ACTR3C: variants seen among roughly 807,000 people sequenced by gnomAD.
ACTR3C encodes the protein actin related protein 3C.
In ACTR3C, 18 loss-of-function variants were observed where a neutral mutation model predicts 26.3. The ratio of observed to expected loss-of-function variants is 0.68; its 90% CI spans 0.47 to 1.01. ACTR3C has a LOEUF of 1.01. ACTR3C is among the 50% of genes least tolerant of loss of function. The probability of loss-of-function intolerance (pLI) is 0.00; values close to 1 mark genes in which losing one functional copy is unlikely to be tolerated. For missense variants in ACTR3C, 184 were observed against 250.7 expected, an observed-to-expected ratio of 0.73 and a Z score of 1.80; for synonymous variants, 55 against 94.5, an observed-to-expected ratio of 0.58 and a Z score of 2.42.
At chr7:150,242,818 C>G (rs59464380), downstream of ACTR3C, among the ~76,000 whole-genome samples, 27,489 of 151,728 alleles carry the variant, frequency 0.18, 4,199 homozygotes, top group African/African-American at 0.41. Flanking sequence ...TTTGAGAAAT[C>G]TGTGAAGAGG....
rs61644188 is a variant in ACTR3C, at chr7:150,274,408, C to T, written c.564+10345G>A. ...GTTTTTTAGACATAATGCTATTATA[C>T]ACTTAAACCATAATATAGTGCAAAC... On this transcript the variant is annotated intron_variant, in intron 6 of 7. Coordinates refer to ENST00000683684, the MANE Select transcript of ACTR3C (RefSeq NM_001164458.2). The surrounding 1 kb of genome is among the most constrained non-coding windows in gnomAD (Gnocchi z 4.1). Among the ~76,000 whole-genome samples, 1,037 of 152,302 alleles carry T rather than the reference C, an allele frequency of 6.8e-3. 3 individuals are homozygous for T. The highest frequency in any genetic ancestry group is 0.024 in the African/African-American group (984 of 41,556).
the ACTR3C span, among the ~76,000 whole-genome samples, chr7:149,887,414 A>G: frequency 6.6e-6 from 1 of 152,214 alleles, no homozygotes; most frequent in Non-Finnish European, 1.5e-5. Flanking sequence ...GTGATAACAG[A>G]CTGTAGGTCT....
At chr7:150,194,359 A>G in the ACTR3C span, among the ~76,000 whole-genome samples, 4 of 148,640 alleles carry the variant, frequency 2.7e-5, no homozygotes, top group Non-Finnish European at 6.0e-5. Context: ...AAAGTCTTTT[A>G]TATCAGAGGC....
chr7:150,066,718 T>A, the ACTR3C span, among the ~76,000 whole-genome samples: 5 of 152,230 alleles, frequency 3.3e-5, no homozygotes, highest in Admixed American at 6.5e-5. Context: ...GATATTCTGT[T>A]AATCTCTATA....
At chr7:150,179,011 T>C in the ACTR3C span, among the ~76,000 whole-genome samples, 1 of 149,636 alleles carries the variant, frequency 6.7e-6, no homozygotes, top group African/African-American at 2.6e-5. Flanking sequence ...GCCTCCAGAT[T>C]CAAACAAATT....
chr7:150,110,599 G>A, the ACTR3C span, among the ~76,000 whole-genome samples: 19 of 143,620 alleles, frequency 1.3e-4, no homozygotes, highest in African/African-American at 4.5e-4. Flanking sequence ...GGGGCTGGAA[G>A]AGGGTGGGGC....
At chr7:150,158,326 T>C in the ACTR3C span, among the ~76,000 whole-genome samples, 1 of 152,028 alleles carries the variant, frequency 6.6e-6, no homozygotes, top group Non-Finnish European at 1.5e-5. Context: ...TGCCATATGA[T>C]CTAGCAATTC....
chr7:150,172,774 T>C, the ACTR3C span, among the ~76,000 whole-genome samples: 1 of 150,654 alleles, frequency 6.6e-6, no homozygotes, highest in African/African-American at 2.5e-5. Context: ...GGTACCAGTA[T>C]TGGGTAAATA....
chr7:150,210,539 T>C, the ACTR3C span, among the ~76,000 whole-genome samples: 1 of 147,974 alleles, frequency 6.8e-6, no homozygotes, highest in Non-Finnish European at 1.5e-5. Flanking sequence ...AAGTATTACT[T>C]GGCAACAAAT....
chr7:150,217,538 T>C, the ACTR3C span, among the ~76,000 whole-genome samples: 1 of 151,986 alleles, frequency 6.6e-6, no homozygotes, highest in Non-Finnish European at 1.5e-5. Flanking sequence ...AACAGTCTTA[T>C]GTTGGTAGTT....
intron 1 of ACTR3C, among the ~76,000 whole-genome samples, chr7:150,296,091 C>T (rs1836719956): frequency 7.5e-6 from 1 of 132,644 alleles, no homozygotes; most frequent in African/African-American, 3.2e-5. Context: ...TAGCTCACGC[C>T]CATCATCCTA....
chr7:150,099,730 G>A, the ACTR3C span, among the ~76,000 whole-genome samples: 1 of 151,436 alleles, frequency 6.6e-6, no homozygotes, highest in Non-Finnish European at 1.5e-5. Flanking sequence ...CCTTATCCTC[G>A]CCCTTAGGGT....
At chr7:149,963,398 G>T in the ACTR3C span, among the ~76,000 whole-genome samples, 4 of 152,172 alleles carry the variant, frequency 2.6e-5, no homozygotes, top group Non-Finnish European at 5.9e-5. Flanking sequence ...GAAGGAGAAT[G>T]ACTTTCCTGT....
the ACTR3C span, among the ~76,000 whole-genome samples, chr7:149,949,402 G>A: frequency 7.1e-6 from 1 of 140,870 alleles, no homozygotes; most frequent in African/African-American, 3.1e-5. Context: ...AGGGAAGGAA[G>A]GAAGGAAGGA....
intron 6 of ACTR3C, chr7:150,264,690 A>G (rs1191263131): frequency 1.0e-6 from 1 of 964,900 alleles, no homozygotes; most frequent in Non-Finnish European, 1.2e-6. Flanking sequence ...CAGGTGGTGG[A>G]TAAGACAGCA....
the ACTR3C span, among the ~76,000 whole-genome samples, chr7:149,978,881 G>T: frequency 6.6e-6 from 1 of 152,052 alleles, no homozygotes; most frequent in East Asian, 1.9e-4. Flanking sequence ...ATCCCAGCAG[G>T]CTCCAGCCCT....
chr7:150,131,130 G>A, the ACTR3C span, among the ~76,000 whole-genome samples: 3 of 152,146 alleles, frequency 2.0e-5, no homozygotes, highest in African/African-American at 4.8e-5. Flanking sequence ...AATGCATACT[G>A]TATCTCAATA....
At chr7:149,910,296 G>A in the ACTR3C span, among the ~76,000 whole-genome samples, 4 of 152,018 alleles carry the variant, frequency 2.6e-5, no homozygotes, top group Non-Finnish European at 5.9e-5. Context: ...AGCTACTGCC[G>A]TCTCCTGAGA....
chr7:149,896,056 A>C, the ACTR3C span, among the ~76,000 whole-genome samples: 29,450 of 138,376 alleles, frequency 0.21, 2,079 homozygotes, highest in African/African-American at 0.22. Flanking sequence ...AAAAAAAAAA[A>C]CACAAAAACT....
Sources: gnomAD v4.1 joint callset for allele counts (sites outside exome capture counted in the v4.1 genomes callset) on GRCh38, gnomAD v4.1.1 for gene constraint, Gnocchi (gnomAD v3.1) non-coding constraint, MANE v1.5 for transcripts, NCBI Gene and HGNC (gene_info 2026-07-23, HGNC 2026-07-21) for gene names.